The following FHIT variants were observed in gnomAD, a reference collection of about 807,000 sequenced individuals.
FHIT encodes fragile histidine triad diadenosine triphosphatase.
Under a neutral mutation model 17.9 loss-of-function variants are expected in FHIT, and 19 were observed. That is an observed-to-expected ratio of 1.06 (90% CI 0.74 to 1.56). The LOEUF (loss-of-function observed/expected upper bound fraction) is 1.56, where lower values mean the gene tolerates loss of function less well. Ranked by LOEUF, FHIT falls within the 40% of genes most tolerant of loss-of-function variation. The probability of loss-of-function intolerance (pLI) is 0.00; values close to 1 mark genes in which losing one functional copy is unlikely to be tolerated. For missense variants in FHIT, 248 were observed against 189.2 expected (o/e 1.31, Z -1.82); for synonymous variants, 81 against 69.7 (o/e 1.16, Z -0.81).
intron 5 of FHIT, among the ~76,000 whole-genome samples, chr3:60,096,517 C>G (rs888361445): frequency 6.6e-6 from 1 of 152,188 alleles, no homozygotes; most frequent in Non-Finnish European, 1.5e-5. Context: ...GGTCTTTCAG[C>G]CTTCAGGCTG....
intron 5 of FHIT, among the ~76,000 whole-genome samples, chr3:60,109,148 A>G (rs750479177): frequency 6.6e-6 from 1 of 152,144 alleles, no homozygotes; most frequent in Non-Finnish European, 1.5e-5. Context: ...GCAGGGAGAG[A>G]GAGAGATTAC....
In FHIT at chr3:60,737,444, C is replaced by T. The variant is rs559298991; in HGVS notation, c.-18+84475G>A. On this transcript the variant is annotated intron_variant, in intron 4 of 9. Transcript: ENST00000492590. Reference sequence around the variant, plus strand: ...TGAAGAAAGGCCACTGTTCAAATTCCGTTTACAAATATCTAAATTCTGGCT... The same window carrying T: ...TGAAGAAAGGCCACTGTTCAAATTCTGTTTACAAATATCTAAATTCTGGCT... Among the ~76,000 whole-genome samples, 35 of 152,266 alleles carry T rather than the reference C, an allele frequency of 2.3e-4. No homozygotes were observed. In the South Asian group the frequency reaches 6.2e-3, roughly 27 times the overall value.
chr3:60,730,505 C>G (rs910053599), intron 4 of FHIT: 1 of 190,348 alleles, frequency 5.3e-6, no homozygotes, highest in Non-Finnish European at 1.2e-5. Context: ...AAGCCACCTT[C>G]GAAGATGAGG....
chr3:59,798,809 T>C (rs1009070004), intron 8 of FHIT, among the ~76,000 whole-genome samples: 4 of 152,246 alleles, frequency 2.6e-5, no homozygotes, highest in African/African-American at 7.2e-5. Flanking sequence ...CTGTGGTTTT[T>C]AGGATGGTTC....
intron 5 of FHIT, among the ~76,000 whole-genome samples, chr3:60,432,110 G>A (rs1034109904): frequency 6.6e-6 from 1 of 151,922 alleles, no homozygotes; most frequent in Non-Finnish European, 1.5e-5. Context: ...TGAGTAGCTG[G>A]GACTACAGGT....
intron 2 of FHIT, among the ~76,000 whole-genome samples, chr3:61,157,711 G>A (rs2037572123): frequency 6.6e-6 from 1 of 152,092 alleles, no homozygotes; most frequent in South Asian, 2.1e-4. Flanking sequence ...TGTTCTAGTT[G>A]CCAGTAGAGC....
intron 4 of FHIT, among the ~76,000 whole-genome samples, chr3:60,619,397 G>T (rs1248613145): frequency 6.6e-6 from 1 of 152,066 alleles, no homozygotes; most frequent in Non-Finnish European, 1.5e-5. Context: ...AAAAGCAAAA[G>T]ATTCAGAATA....
At chr3:60,376,898 G>A (rs575911212) in intron 5 of FHIT, among the ~76,000 whole-genome samples, 3 of 152,148 alleles carry the variant, frequency 2.0e-5, no homozygotes, top group East Asian at 1.9e-4. Context: ...ATAAAGCTAC[G>A]AATTCCAGAG....
chr3:61,209,605 G>T (rs140869401), intron 1 of FHIT, among the ~76,000 whole-genome samples: 1 of 151,790 alleles, frequency 6.6e-6, no homozygotes, highest in Non-Finnish European at 1.5e-5. Context: ...TGATCGCATC[G>T]GCTACTGAGG....
chr3:59,991,467 T>C (rs1443841555), intron 7 of FHIT, among the ~76,000 whole-genome samples: 2 of 152,076 alleles, frequency 1.3e-5, no homozygotes, highest in Non-Finnish European at 2.9e-5. Context: ...GGGTCTTGTA[T>C]TCAACTTGTA....
At chr3:59,925,926 T>A (rs920125363) in intron 7 of FHIT, among the ~76,000 whole-genome samples, 3 of 152,220 alleles carry the variant, frequency 2.0e-5, no homozygotes, top group African/African-American at 7.2e-5. Context: ...ACGCTATGAA[T>A]AGCAGAGATG....
intron 8 of FHIT, among the ~76,000 whole-genome samples, chr3:59,812,083 T>G (rs1700426697): frequency 6.6e-6 from 1 of 152,124 alleles, no homozygotes. Context: ...TGGCACAGTT[T>G]TGATTGTCAT....
intron 8 of FHIT, among the ~76,000 whole-genome samples, chr3:59,814,458 G>T (rs1700523782): frequency 6.6e-6 from 1 of 152,170 alleles, no homozygotes; most frequent in Non-Finnish European, 1.5e-5. Context: ...ATGTGATAAA[G>T]CTTAAGTTTT....
At chr3:60,624,679 A>G (rs72889676) in intron 4 of FHIT, among the ~76,000 whole-genome samples, 1,677 of 152,272 alleles carry the variant, frequency 0.011, 38 homozygotes, top group African/African-American at 0.039. Flanking sequence ...ATAATGTTAA[A>G]TGTGTCTGTG....
chr3:59,822,628 C>A (rs957094236), intron 8 of FHIT, among the ~76,000 whole-genome samples: 1 of 151,506 alleles, frequency 6.6e-6, no homozygotes, highest in Non-Finnish European at 1.5e-5. Context: ...ACATCCTTAG[C>A]CCACTTTTTG....
chr3:60,246,426 G>T (rs571309932), intron 5 of FHIT, among the ~76,000 whole-genome samples: 1 of 152,074 alleles, frequency 6.6e-6, no homozygotes, highest in Non-Finnish European at 1.5e-5. Flanking sequence ...ACAGTTCACA[G>T]GTTTCTTAAC....
chr3:60,957,526 G>C (rs556210094), intron 3 of FHIT, among the ~76,000 whole-genome samples: 51 of 148,036 alleles, frequency 3.4e-4, no homozygotes, highest in Non-Finnish European at 7.4e-4. Context: ...CGTGAGCCAT[G>C]GCGCCGGGCC....
intron 5 of FHIT, among the ~76,000 whole-genome samples, chr3:60,289,163 T>C (rs563342501): frequency 3.9e-5 from 6 of 152,358 alleles, no homozygotes; most frequent in African/African-American, 1.4e-4. Context: ...ACCATTCTAG[T>C]ATTTAATATT....
chr3:60,244,456 C>G (rs1252627827), intron 5 of FHIT, among the ~76,000 whole-genome samples: 1 of 152,098 alleles, frequency 6.6e-6, no homozygotes, highest in Non-Finnish European at 1.5e-5. Flanking sequence ...AGGAATACCT[C>G]TGAATATAAC....
Sources: allele counts gnomAD v4.1 joint callset (sites outside exome capture counted in the v4.1 genomes callset), GRCh38; gene constraint gnomAD v4.1.1; transcripts MANE v1.5; gene names NCBI Gene and HGNC (gene_info 2026-07-23, HGNC 2026-07-21).